Variants in TTN observed in about 807,000 individuals in gnomAD.
TTN encodes the protein titin, also known as connectin.
TTN carries 1,525 observed loss-of-function variants against 3,223.0 expected under a neutral mutation model. The ratio of observed to expected loss-of-function variants is 0.47; its 90% CI spans 0.45 to 0.49. The LOEUF is 0.49. TTN is among the 20% of genes least tolerant of loss of function. The pLI is 0.00. For synonymous variants in TTN, 14,094 were observed against 15,161.0 expected, an observed-to-expected ratio of 0.93 and a Z score of 5.17; for missense variants, 40,786 against 43,424.0, an observed-to-expected ratio of 0.94 and a Z score of 5.40.
chr2:178,582,101 A>G lies in TTN; in HGVS notation c.66268T>C (p.Tyr22090His), dbSNP rs2047908666. The G allele has an allele frequency of 6.2e-7, 1 of 1,613,084 alleles. No individual in the cohort carries two copies. Among genetic ancestry groups the G allele is most frequent in the Non-Finnish European group, 8.5e-7 (1 of 1,179,536 alleles). The change falls in exon 315 of 363, where the codon TAT (tyrosine) becomes CAT (histidine). Residue 22090 changes from tyrosine (Y) to histidine (H), a missense_variant. Coordinates refer to ENST00000589042, the MANE Select transcript of TTN (RefSeq NM_001267550.2). ...ADDGGSPITG[Y>H]LLEKRETQAV... Reference sequence around the variant, plus strand: ...TGGGTTTCCCGCTTTTCAAGCAAATAGCCAGTGATGGGTGAGCCCCCATCA... The same window carrying G: ...TGGGTTTCCCGCTTTTCAAGCAAATGGCCAGTGATGGGTGAGCCCCCATCA...
intron 8 of TTN, among the ~76,000 whole-genome samples, chr2:178,794,198 G>A (rs1164212310): frequency 6.7e-6 from 1 of 149,210 alleles, no homozygotes; most frequent in Admixed American, 6.7e-5. Context: ...CTGCTCTTGT[G>A]ATACTCACAT....
rs1392705551 is a variant in TTN at position 178,739,144 on chromosome 2, T to C, written c.14089A>G (p.Arg4697Gly). The stretch of plus-strand genomic sequence containing the variant: ...TATTTTATCCTTAAAATCCAACCTC[T>C]TTTTACTACAGTGAGTTTGGCTGAA... ...ATSAKLTVVK[R>G]AAPVIKRKIE... The change falls in exon 48 of 363, where the codon AGA (arginine) becomes GGA (glycine). Residue 4697 changes from arginine to glycine, a missense_variant. Physicochemically the swap from Arg to Gly is moderately radical, Grantham distance 125. Transcript: ENST00000589042. 2 of 1,507,202 alleles carry C rather than the reference T, an allele frequency of 1.3e-6. No individual in the cohort carries two copies. Among genetic ancestry groups the C allele is most frequent in the Middle Eastern group, 3.6e-4 (2 of 5,568 alleles). 93.4% of individuals were successfully genotyped at this position (1,507,202 alleles called of 1,614,324 possible).
At position 178,665,475 on chromosome 2, in the gene TTN, G is replaced by T. The variant is rs1313746316; in HGVS notation, c.35960-15C>A. On this transcript the variant is annotated splice_polypyrimidine_tract_variant and intron_variant, in intron 164 of 362. Coordinates refer to ENST00000589042, the MANE Select transcript of TTN (RefSeq NM_001267550.2). ...AGCTTCTGGTGCTTTGAAGATATTA[G>T]TATTATGGTTAGAGGTTAAAAGGAT... 1 of 1,610,938 alleles carries T rather than the reference G, an allele frequency of 6.2e-7. No homozygotes were observed.
In TTN at chr2:178,718,834, C is replaced by T. The variant is rs2077897624; in HGVS notation, c.24366G>A (p.Glu8122=). 2.5e-6 allele frequency: 4 copies of T among 1,613,618 alleles called. No homozygotes were observed. The highest frequency in any genetic ancestry group is 3.4e-6 in the Non-Finnish European group (4 of 1,179,752). ...AATCTTCCAGAGAGATGTTGCATGACTCCCCAGGCACCAGTTCCCTGCTGC... is the reference window on the plus strand; with the variant it reads ...AATCTTCCAGAGAGATGTTGCATGATTCCCCAGGCACCAGTTCCCTGCTGC... ...FKGSRELVPG[E]SCNISLEDFV... is the part of the protein sequence containing the mutation. Residue 8122 remains glutamate (E), a synonymous_variant, in exon 84 of 363, where the codon GAG becomes GAA. Transcript: ENST00000589042.
intron 47 of TTN, chr2:178,747,183 A>G (rs1217466761): frequency 6.2e-7 from 1 of 1,608,890 alleles, no homozygotes; most frequent in East Asian, 2.2e-5. Flanking sequence ...GGTGTGGAGT[A>G]TCTCTCTAGA....
Position 178,552,054 on chromosome 2 carries a change from C to T in TTN, c.90846G>A (p.Thr30282=), listed in dbSNP as rs753475617. ...TGACTAGATTAGGAACTTTGAAAGT[C>T]GTTCTGGCAACACTTGAACACACCA... is the stretch of plus-strand genomic sequence containing the variant. ...WKMVCSSVAR[T]TFKVPNLVKD... The change falls in exon 335 of 363, where the codon ACG becomes ACA. Residue 30282 remains threonine, a synonymous_variant. Coordinates refer to ENST00000589042, the MANE Select transcript of TTN (RefSeq NM_001267550.2). 6.8e-6 allele frequency: 11 copies of T among 1,613,662 alleles called. No individual in the cohort carries two copies. In the South Asian group the frequency reaches 8.8e-5, roughly 13 times the overall value.
chr2:178,749,502 C>T, intron 47 of TTN: 1 of 1,612,858 alleles, frequency 6.2e-7, no homozygotes, highest in Non-Finnish European at 8.5e-7. Flanking sequence ...TATTCTTTTA[C>T]ATTTGTCCAG....
At chr2:178,774,502 A>AT (rs762701626) in intron 29 of TTN, 29 bp from the exon 30 acceptor site, 5 of 1,605,134 alleles carry the variant, frequency 3.1e-6, no homozygotes, top group Non-Finnish European at 3.4e-6. Flanking sequence ...AGATAAATCA[A>AT]TTTTTTTGGA....
At position 178,775,869 on chromosome 2, in the gene TTN, T is replaced by C. The variant is rs764334752; in HGVS notation, c.5995A>G (p.Ser1999Gly). ...TCTTCTGTTCTGCGCTTGAATTTACTGCGCAGCTCTTCCGACTCTTCAGGC... is the reference window on the plus strand; with the variant it reads ...TCTTCTGTTCTGCGCTTGAATTTACCGCGCAGCTCTTCCGACTCTTCAGGC... ...KVPEESEELR[S>G]KFKRRTEEGY... The change falls in exon 28 of 363, where the codon AGT (serine) becomes GGT (glycine). Residue 1999 changes from serine to glycine, a missense_variant. Transcript: ENST00000589042. The C allele has an allele frequency of 7.4e-6, 12 of 1,614,170 alleles. No individual in the cohort carries two copies. Among genetic ancestry groups the C allele is most frequent in the Non-Finnish European group, 1.0e-5 (12 of 1,180,002 alleles).
chr2:178,547,460 A>C lies in TTN; in HGVS notation c.94166T>G (p.Phe31389Cys). 1 of 1,611,988 alleles carries C rather than the reference A, an allele frequency of 6.2e-7. No homozygotes were observed. The highest frequency in any genetic ancestry group is 1.3e-5 in the African/African-American group (1 of 75,042). Reference protein sequence around the residue: ...YSFRVSSENRFGVSKPLESAP... With the variant: ...YSFRVSSENRCGVSKPLESAP... ...TGATTCTAGAGGTTTGCTGACACCAAATCTGTTCTCTGAACTGACACGGAA... is the reference window on the plus strand; with the variant it reads ...TGATTCTAGAGGTTTGCTGACACCACATCTGTTCTCTGAACTGACACGGAA... The change falls in exon 339 of 363, where the codon TTT becomes TGT. Residue 31389 changes from phenylalanine to cysteine, a missense_variant. Coordinates refer to ENST00000589042, the MANE Select transcript of TTN (RefSeq NM_001267550.2).
chr2:178,564,494 G>A lies in TTN; in HGVS notation c.81638C>T (p.Pro27213Leu). ...TGYIVEKKDL[P>L]DGRWMKASFT... ...GCTGGCTTTCATCCAGCGGCCATCA[G>A]GTAGATCTTTCTTTTCTACAATATA... is the stretch of plus-strand genomic sequence containing the variant. Residue 27213 changes from proline (P) to leucine (L), a missense_variant, in exon 326 of 363, where the codon CCT becomes CTT. Transcript: ENST00000589042. 1 of 1,612,130 alleles carries A rather than the reference G, an allele frequency of 6.2e-7. No homozygotes were observed. Among genetic ancestry groups the A allele is most frequent in the Non-Finnish European group, 8.5e-7 (1 of 1,178,980 alleles).
intron 47 of TTN, chr2:178,745,005 T>C: frequency 1.0e-6 from 1 of 985,930 alleles, no homozygotes; most frequent in Non-Finnish European, 1.2e-6. Context: ...GAAGTTAATA[T>C]ATTAAGATTG....
chr2:178,712,660 A>G, intron 94 of TTN, 37 bp downstream of exon 94: 1 of 1,607,064 alleles, frequency 6.2e-7, no homozygotes, highest in Middle Eastern at 1.7e-4. Flanking sequence ...ACATCTAATT[A>G]CTAATCGTAT....
chr2:178,777,979 C>T lies in TTN; in HGVS notation c.4209-4G>A. The T allele has an allele frequency of 2.5e-6, 4 of 1,613,088 alleles. No homozygotes were observed. The highest frequency in any genetic ancestry group is 3.4e-6 in the Non-Finnish European group (4 of 1,179,602). ...CACTGAACGTGGAGAGAGAGATCTG[C>T]AAAACAAAGACACACAATACTTTCG... On this transcript the variant is annotated splice_polypyrimidine_tract_variant and splice_region_variant and intron_variant, in intron 24 of 362. Coordinates refer to ENST00000589042, the MANE Select transcript of TTN (RefSeq NM_001267550.2).
chr2:178,684,942 G>C lies in TTN; in HGVS notation c.32518C>G (p.Pro10840Ala). The C allele has an allele frequency of 6.2e-7, 1 of 1,609,356 alleles. No individual in the cohort carries two copies. The highest frequency in any genetic ancestry group is 8.5e-7 in the Non-Finnish European group (1 of 1,177,610). ...GGCACCTTTTCCTTTTTAGGAACTG[G>C]AGCAGGAACTTTCTTTTCTGGCACA... ...KIVPEKKVPAPVPKKEKVPPP... is the reference protein window; with the variant it reads ...KIVPEKKVPAAVPKKEKVPPP... Residue 10840 changes from proline (P) to alanine (A), a missense_variant, in exon 130 of 363, where the codon CCA becomes GCA. Transcript: ENST00000589042.
At chr2:178,615,212 C>A in intron 259 of TTN, 95 bp downstream of exon 259, 1 of 1,440,654 alleles carries the variant, frequency 6.9e-7, no homozygotes. Flanking sequence ...ATAGGATTCT[C>A]AATGAAAAAA....
chr2:178,552,366 A>T lies in TTN; in HGVS notation c.90534T>A (p.Val30178=). The T allele has an allele frequency of 6.3e-7, 1 of 1,594,612 alleles. No homozygotes were observed. Among genetic ancestry groups the T allele is most frequent in the Non-Finnish European group, 8.5e-7 (1 of 1,169,614 alleles). The stretch of plus-strand genomic sequence containing the variant: ...TTTTGTTTTCAGTTTTACTGAAGCG[A>T]ACAAATTCACTTTCTTTCAGTGGCA... ...DGLPLKESEF[V]RFSKTENKIT... The change falls in exon 335 of 363, where the codon GTT becomes GTA. Residue 30178 remains valine (V), a synonymous_variant. Transcript: ENST00000589042.
chr2:178,724,301 T>C lies in TTN; in HGVS notation c.21074A>G (p.Asn7025Ser), dbSNP rs2078960594. Residue 7025 changes from asparagine (N) to serine (S), a missense_variant, in exon 72 of 363, where the codon AAT (asparagine) becomes AGT (serine). Asn to Ser is a conservative substitution (Grantham distance 46, BLOSUM62 1). Transcript: ENST00000589042. ...AGCTGTGCAGCTGCTTTTCCCAACA[T>C]TATTTTGAACCTGGAAAGTGTATGT... ...AGTYTFQVQNNVGKSSCTAVV... is the reference protein window; with the variant it reads ...AGTYTFQVQNSVGKSSCTAVV... 6.2e-7 allele frequency: 1 copy of C among 1,613,310 alleles called. No individual in the cohort carries two copies. The highest frequency in any genetic ancestry group is 1.3e-5 in the African/African-American group (1 of 74,890).
In TTN at chr2:178,553,144, C is replaced by T. The variant is rs759930753; in HGVS notation, c.89756G>A (p.Gly29919Asp). ...ACTCACAGTTGAAGACTTAGGTTCA[C>T]CAACTCCATTTTCTATTGTGAGAAT... Reference protein sequence around the residue: ...KYILTIENGVGEPKSSTVSVK... With the variant: ...KYILTIENGVDEPKSSTVSVK... Residue 29919 changes from glycine (G) to aspartate (D), a missense_variant, in exon 335 of 363, where the codon GGT becomes GAT. Physicochemically the swap from Gly to Asp is moderately conservative, Grantham distance 94. Transcript: ENST00000589042. The T allele has an allele frequency of 3.7e-6, 6 of 1,612,766 alleles. No homozygotes were observed. Among genetic ancestry groups the T allele is most frequent in the Non-Finnish European group, 5.1e-6 (6 of 1,178,964 alleles).
Sources: allele counts gnomAD v4.1 joint callset (sites outside exome capture counted in the v4.1 genomes callset), GRCh38; gene constraint gnomAD v4.1.1; transcripts MANE v1.5; gene names NCBI Gene and HGNC (gene_info 2026-07-23, HGNC 2026-07-21).